GPC5: variants seen among roughly 807,000 people sequenced by gnomAD.
GPC5 encodes the protein glypican 5, also known as glypican-5.
In GPC5, 47 loss-of-function variants were observed where a neutral mutation model predicts 53.9. The ratio of observed to expected loss-of-function variants is 0.87; its 90% CI spans 0.69 to 1.11. The LOEUF (loss-of-function observed/expected upper bound fraction) is 1.11. Ranked by LOEUF, GPC5 falls within the 50% of genes most tolerant of loss-of-function variation. The pLI is 0.00. For missense variants in GPC5, 748 were observed against 713.1 expected (o/e 1.05, Z -0.56); for synonymous variants, 286 against 263.3 (o/e 1.09, Z -0.84).
intron 2 of GPC5, among the ~76,000 whole-genome samples, chr13:91,541,971 T>A (rs1051551581): frequency 6.6e-6 from 1 of 150,844 alleles, no homozygotes; most frequent in African/African-American, 2.4e-5. Flanking sequence ...CAGGAATAGG[T>A]GCTGCATATT....
chr13:92,239,115 G>A (rs2042590860), intron 7 of GPC5, among the ~76,000 whole-genome samples: 1 of 148,386 alleles, frequency 6.7e-6, no homozygotes, highest in South Asian at 2.1e-4. Context: ...CTGTAGCTTT[G>A]TAGTAAGTTT....
At chr13:92,261,977 ATATC>A (rs1279051801) in intron 7 of GPC5, among the ~76,000 whole-genome samples, 1 of 152,152 alleles carries the variant, frequency 6.6e-6, no homozygotes, top group Non-Finnish European at 1.5e-5. Flanking sequence ...ACAAATGAAA[ATATC>A]TATTGAGGTT....
intron 4 of GPC5, among the ~76,000 whole-genome samples, chr13:91,730,094 G>A (rs2036662754): frequency 6.6e-6 from 1 of 152,182 alleles, no homozygotes; most frequent in South Asian, 2.1e-4. Context: ...TCCAACACAT[G>A]CTTGTCTCCT....
chr13:91,856,380 T>C (rs2038967342), intron 5 of GPC5, among the ~76,000 whole-genome samples: 1 of 151,560 alleles, frequency 6.6e-6, no homozygotes, highest in Admixed American at 6.6e-5. Context: ...TTATGTTTAA[T>C]TTTGTAAGAA....
rs187014495 is a variant in GPC5, at chr13:91,454,341, C to G, written c.325+5419C>G. Among the ~76,000 whole-genome samples, 291 of 152,048 alleles carry G rather than the reference C, an allele frequency of 1.9e-3. 3 individuals carry two copies. The highest frequency in any genetic ancestry group is 6.7e-3 in the African/African-American group (277 of 41,534). On this transcript the variant is annotated intron_variant, in intron 2 of 7. Coordinates refer to ENST00000377067, the MANE Select transcript of GPC5 (RefSeq NM_004466.6). Reference sequence around the variant, plus strand: ...AGATCAGGTTTACTTTTCCAAGTTTCTTTTTTAAACTCTAAGAAGTAAACT... The same window carrying G: ...AGATCAGGTTTACTTTTCCAAGTTTGTTTTTTAAACTCTAAGAAGTAAACT...
intron 5 of GPC5, among the ~76,000 whole-genome samples, chr13:91,898,826 A>C (rs1229077608): frequency 6.6e-6 from 1 of 152,146 alleles, no homozygotes; most frequent in Non-Finnish European, 1.5e-5. Flanking sequence ...AAATAAGAGA[A>C]CTGATTGCTA....
chr13:91,706,866 A>G (rs1290111384), intron 3 of GPC5, among the ~76,000 whole-genome samples: 2 of 152,200 alleles, frequency 1.3e-5, no homozygotes, highest in African/African-American at 4.8e-5. Flanking sequence ...TCCATAGTGA[A>G]TATCGAGTAG....
intron 7 of GPC5, among the ~76,000 whole-genome samples, chr13:92,734,335 G>A (rs1485522791): frequency 6.6e-6 from 1 of 151,742 alleles, no homozygotes; most frequent in Non-Finnish European, 1.5e-5. Context: ...TCATCTCTTG[G>A]TGAATTCTCA....
At chr13:92,340,621 C>T (rs1402496142) in intron 7 of GPC5, 1 of 152,038 alleles carries the variant, frequency 6.6e-6, no homozygotes, top group African/African-American at 2.4e-5. Flanking sequence ...GAAACATTCC[C>T]TTAATATTTT....
intron 6 of GPC5, among the ~76,000 whole-genome samples, chr13:92,023,356 CAT>C (rs2040774603): frequency 6.6e-6 from 1 of 152,012 alleles, no homozygotes; most frequent in South Asian, 2.1e-4. Context: ...GTTCATACTA[CAT>C]GTACCTTTCC....
intron 6 of GPC5, among the ~76,000 whole-genome samples, chr13:92,034,226 C>T (rs558686737): frequency 7.2e-5 from 11 of 152,170 alleles, no homozygotes; most frequent in South Asian, 6.2e-4. Flanking sequence ...CCAGGTGCAG[C>T]GGCTCACGTC....
At chr13:92,760,619 AT>A (rs1249701782) in intron 7 of GPC5, among the ~76,000 whole-genome samples, 1 of 146,596 alleles carries the variant, frequency 6.8e-6, no homozygotes, top group Non-Finnish European at 1.5e-5. Flanking sequence ...TGTTCTATTG[AT>A]TTTTTTCCTA....
intron 1 of GPC5, among the ~76,000 whole-genome samples, chr13:91,408,058 T>C (rs1362202770): frequency 1.3e-5 from 2 of 152,214 alleles, no homozygotes; most frequent in East Asian, 3.9e-4. Flanking sequence ...TTTGTTGTGG[T>C]GAGGACATTT....
At chr13:92,362,350 T>G (rs2043574967) in intron 7 of GPC5, among the ~76,000 whole-genome samples, 1 of 151,724 alleles carries the variant, frequency 6.6e-6, no homozygotes, top group Non-Finnish European at 1.5e-5. Context: ...CAAGACAAAT[T>G]TATGGAAACA....
intron 6 of GPC5, among the ~76,000 whole-genome samples, chr13:92,012,190 C>T (rs549396753): frequency 1.3e-5 from 2 of 152,074 alleles, no homozygotes; most frequent in Non-Finnish European, 2.9e-5. Flanking sequence ...GTAATATATT[C>T]CATTTTTCAA....
intron 1 of GPC5, among the ~76,000 whole-genome samples, chr13:91,436,727 G>T (rs1257990668): frequency 6.6e-6 from 1 of 152,062 alleles, no homozygotes; most frequent in Non-Finnish European, 1.5e-5. Flanking sequence ...GCTGAGTTCA[G>T]TTCCTGGATA....
chr13:91,920,645 C>T (rs538150588), intron 6 of GPC5, among the ~76,000 whole-genome samples: 1 of 152,168 alleles, frequency 6.6e-6, no homozygotes, highest in Non-Finnish European at 1.5e-5. Context: ...TGGTGATGAA[C>T]AAAAGTTACT....
intron 7 of GPC5, among the ~76,000 whole-genome samples, chr13:92,297,164 A>C (rs1008663160): frequency 3.9e-5 from 6 of 152,250 alleles, no homozygotes; most frequent in African/African-American, 1.4e-4. Context: ...CTTTATATGT[A>C]GCTCAGGGAT....
chr13:92,667,461 C>T (rs528366087), intron 7 of GPC5, among the ~76,000 whole-genome samples: 2 of 152,212 alleles, frequency 1.3e-5, no homozygotes, highest in East Asian at 3.9e-4. Context: ...AGAGAACAAC[C>T]AAACAGTATA....
Sources: gnomAD v4.1 joint callset for allele counts (sites outside exome capture counted in the v4.1 genomes callset) on GRCh38, gnomAD v4.1.1 for gene constraint, MANE v1.5 for transcripts, NCBI Gene and HGNC (gene_info 2026-07-23, HGNC 2026-07-21) for gene names.